Variants in RFX7 observed in about 807,000 individuals in gnomAD.
RFX7 encodes the protein DNA-binding protein RFX7.
A neutral mutation model predicts 111.8 loss-of-function variants in RFX7; 26 were observed. The observed-to-expected ratio is 0.23, with a 90% CI of 0.17 to 0.32. The LOEUF is 0.32. Among genes scored for constraint, RFX7 ranks in the 10% least tolerant of loss-of-function variants. RFX7 has a pLI of 1.00. For missense variants in RFX7, 1,573 were observed against 1,772.9 expected (o/e 0.89, Z 2.02); for synonymous variants, 624 against 624.4 (o/e 1.00, Z 0.01).
chr15:56,216,693 C>A (rs1490254296), intron 2 of RFX7, among the ~76,000 whole-genome samples: 1 of 152,088 alleles, frequency 6.6e-6, no homozygotes, highest in Non-Finnish European at 1.5e-5. Context: ...TTTCAACTTT[C>A]CCCCCAAGTA....
chr15:56,119,049 T>C (rs2042043333), intron 5 of RFX7, among the ~76,000 whole-genome samples: 1 of 152,224 alleles, frequency 6.6e-6, no homozygotes, highest in Admixed American at 6.5e-5. Context: ...AGATTTTTTT[T>C]CTATAGAGTT....
At chr15:56,131,956 CAAAT>C (rs1160984912) in intron 5 of RFX7, among the ~76,000 whole-genome samples, 3 of 151,864 alleles carry the variant, frequency 2.0e-5, no homozygotes, top group Admixed American at 6.6e-5. Context: ...TAAACCAAAA[CAAAT>C]AGTCTTTTTC....
intron 6 of RFX7, among the ~76,000 whole-genome samples, chr15:56,102,970 CTTAATT>C (rs1214283703): frequency 6.6e-5 from 10 of 152,084 alleles, no homozygotes; most frequent in African/African-American, 2.4e-4. Context: ...ATAATGAATT[CTTAATT>C]TTAATTTCCT....
Position 56,149,726 on chromosome 15 carries a change from T to C in RFX7, c.196-5243A>G, listed in dbSNP as rs540687445. On this transcript the variant is annotated intron_variant, in intron 3 of 9. Coordinates refer to ENST00000559447, the MANE Select transcript of RFX7 (RefSeq NM_022841.7). Reference sequence around the variant, plus strand: ...AAACCAGGAGATTCCCTCTGGTGACTACCCTACCAGGGCCCTGGGTTTCAA... The same window carrying C: ...AAACCAGGAGATTCCCTCTGGTGACCACCCTACCAGGGCCCTGGGTTTCAA... Among the ~76,000 whole-genome samples the C allele has an allele frequency of 9.2e-5, 14 of 151,992 alleles. No homozygotes were observed. In the East Asian group the frequency reaches 2.7e-3, roughly 29 times the overall value.
intron 2 of RFX7, among the ~76,000 whole-genome samples, chr15:56,218,139 ATTTTCTTTT>A (rs1450474021): frequency 5.8e-5 from 3 of 51,942 alleles, no homozygotes; most frequent in African/African-American, 2.7e-4. Context: ...TTTAGAAATG[ATTTTCTTTT>A]TTTTTTTTTT....
At chr15:56,125,514 T>C (rs1307544881) in intron 5 of RFX7, among the ~76,000 whole-genome samples, 2 of 152,068 alleles carry the variant, frequency 1.3e-5, no homozygotes, top group Non-Finnish European at 2.9e-5. Flanking sequence ...ATTTGTATCT[T>C]CTTTAATTTC....
In RFX7 at chr15:56,127,579, G is replaced by A. The variant is rs527607980; in HGVS notation, c.401+15199C>T. On this transcript the variant is annotated intron_variant, in intron 5 of 9. Transcript: ENST00000559447. Reference sequence around the variant, plus strand: ...TTTTTTTTTTTTGAGACGGAGTTTCGCTCTGTCGCCCAGGCTGGAGTGCAG... The same window carrying A: ...TTTTTTTTTTTTGAGACGGAGTTTCACTCTGTCGCCCAGGCTGGAGTGCAG... Among the ~76,000 whole-genome samples the A allele has an allele frequency of 4.4e-3, 634 of 144,358 alleles. 4 individuals carry two copies. The highest frequency in any genetic ancestry group is 0.015 in the African/African-American group (573 of 38,728). 94.7% of individuals were successfully genotyped at this position (144,358 alleles called of 152,430 possible).
At chr15:56,207,366 A>T (rs2043264872) in intron 2 of RFX7, among the ~76,000 whole-genome samples, 1 of 152,170 alleles carries the variant, frequency 6.6e-6, no homozygotes, top group African/African-American at 2.4e-5. Context: ...TGATGGCTAC[A>T]ATCAATGTGA....
chr15:56,222,437 T>G (rs1224261660), intron 2 of RFX7, among the ~76,000 whole-genome samples: 2 of 152,214 alleles, frequency 1.3e-5, no homozygotes, highest in African/African-American at 4.8e-5. Context: ...TAATCATATC[T>G]TCAAATTATT....
intron 5 of RFX7, among the ~76,000 whole-genome samples, chr15:56,113,151 G>C (rs1256830023): frequency 6.6e-6 from 1 of 152,016 alleles, no homozygotes; most frequent in Non-Finnish European, 1.5e-5. Flanking sequence ...TCCATTACTG[G>C]GTATATACCC....
intron 3 of RFX7, among the ~76,000 whole-genome samples, chr15:56,171,703 G>A (rs1212873258): frequency 1.3e-5 from 2 of 152,140 alleles, no homozygotes; most frequent in Admixed American, 6.5e-5. Context: ...GCCTCTAAAT[G>A]TATGTTAATT....
In RFX7 at chr15:56,103,653, A is replaced by C; in HGVS notation, c.419T>G (p.Leu140Arg). The C allele has an allele frequency of 6.3e-7, 1 of 1,594,710 alleles. No homozygotes were observed. The highest frequency in any genetic ancestry group is 8.6e-7 in the Non-Finnish European group (1 of 1,169,430). ...YDEYKSYCDN[L>R]GYHPLSAADF... ...AGCAGCACTTAATGGATGGTAACCA[A>C]GATTGTCACAATAGCTCCTGCAAAA... is the stretch of plus-strand genomic sequence containing the variant. The change falls in exon 6 of 10, where the codon CTT (leucine) becomes CGT (arginine). Residue 140 changes from leucine to arginine, a missense_variant. Physicochemically the swap from Leu to Arg is moderately radical, Grantham distance 102 (BLOSUM62 -2). Around this residue, in one of 7 missense-constraint regions of RFX7, gnomAD observed 191 missense variants for 194.2 expected, o/e 0.98. Coordinates refer to ENST00000559447, the MANE Select transcript of RFX7 (RefSeq NM_022841.7).
Position 56,093,253 on chromosome 15 carries a change from A to G in RFX7, c.*92T>C, listed in dbSNP as rs748993911. 2.9e-4 allele frequency: 327 copies of G among 1,119,076 alleles called. 2 individuals carry two copies. Among genetic ancestry groups the G allele is most frequent in the Non-Finnish European group, 8.0e-5 (65 of 808,574 alleles). 69.3% of individuals were successfully genotyped at this position (1,119,076 alleles called of 1,614,324 possible). A position where few individuals can be genotyped will look rare whatever the true frequency, so the allele number is the denominator to read the frequency against. ...CAAACGCTTTTAAAATGTCACAATT[A>G]ATAGTATTTCTGCTGCGGGAGGCAC... On this transcript the variant is annotated 3_prime_UTR_variant, in exon 10 of 10. Transcript: ENST00000559447.
At position 56,098,064 on chromosome 15, in the gene RFX7, C is replaced by G. The variant is rs2041705106; in HGVS notation, c.1107+17G>C. 1 of 1,608,530 alleles carries G rather than the reference C, an allele frequency of 6.2e-7. No homozygotes were observed. On this transcript the variant is annotated intron_variant, in intron 9 of 9. Coordinates refer to ENST00000559447, the MANE Select transcript of RFX7 (RefSeq NM_022841.7). ...CCCACCATCCCAATAAGGCCAAATA[C>G]TATTTAATTATATTACCGGAATGGG...
chr15:56,096,092 C>T lies in RFX7; in HGVS notation c.1636G>A (p.Asp546Asn), dbSNP rs1047556621. The T allele has an allele frequency of 2.5e-6, 4 of 1,613,590 alleles. No homozygotes were observed. The highest frequency in any genetic ancestry group is 3.4e-6 in the Non-Finnish European group (4 of 1,179,812). ...TCTTGGCACTGTACAGGATGCTCAT[C>T]TGATGATGTTTCGGGTTCCACTTTG... is the stretch of plus-strand genomic sequence containing the variant. ...EVKVEPETSS[D>N]EHPVQCQENS... Residue 546 changes from aspartate (D) to asparagine (N), a missense_variant, in exon 10 of 10, where the codon GAT becomes AAT. Around this residue, in one of 7 missense-constraint regions of RFX7, gnomAD observed 625 missense variants for 632.2 expected, o/e 0.99. Transcript: ENST00000559447.
intron 2 of RFX7, 60 bp downstream of exon 2, chr15:56,243,065 C>CCCCCATT: frequency 1.7e-6 from 2 of 1,152,182 alleles, no homozygotes; most frequent in Non-Finnish European, 2.4e-6. Flanking sequence ...CGCCCCCCAC[C>CCCCCATT]CACTTTGCAG....
At chr15:56,103,129 ATTTTT>A (rs11336124) in intron 6 of RFX7, among the ~76,000 whole-genome samples, 4 of 94,428 alleles carry the variant, frequency 4.2e-5, no homozygotes, top group African/African-American at 7.8e-5. Context: ...GTTCCATAAG[ATTTTT>A]TTTTTTTTTT....
chr15:56,195,436 AT>A, intron 2 of RFX7, among the ~76,000 whole-genome samples: 1 of 152,304 alleles, frequency 6.6e-6, no homozygotes, highest in South Asian at 2.1e-4. Context: ...GGATCATAAA[AT>A]TAAGAAAAAA....
Position 56,094,391 on chromosome 15 carries a change from G to T in RFX7, c.3337C>A (p.His1113Asn). ...PGQSYQSQSR[H>N]HDTHFGRLTP... ...AAACGACCAAAATGAGTGTCATGAT[G>T]TCTGGATTGAGACTGATAAGACTGT... Residue 1113 changes from histidine to asparagine, a missense_variant, in exon 10 of 10, where the codon CAT (histidine) becomes AAT (asparagine). Physicochemically the swap from His to Asn is moderately conservative, Grantham distance 68. Coordinates refer to ENST00000559447, the MANE Select transcript of RFX7 (RefSeq NM_022841.7). 6.2e-7 allele frequency: 1 copy of T among 1,613,944 alleles called. No homozygotes were observed. Among genetic ancestry groups the T allele is most frequent in the Middle Eastern group, 1.6e-4 (1 of 6,062 alleles).
Sources: allele counts gnomAD v4.1 joint callset (sites outside exome capture counted in the v4.1 genomes callset), GRCh38; gene constraint gnomAD v4.1.1; regional missense constraint gnomAD v4.1.1; transcripts MANE v1.5; gene names NCBI Gene and HGNC (gene_info 2026-07-23, HGNC 2026-07-21).